The following GGACT variants were observed in gnomAD, a reference collection of about 807,000 sequenced individuals.
The protein encoded by GGACT is gamma-glutamylaminecyclotransferase.
For synonymous variants in GGACT, 118 were observed against 115.3 expected (o/e 1.02, Z -0.15); for missense variants, 241 against 233.2 (o/e 1.03, Z -0.22).
At chr13:100,573,544 G>A (rs1875158412) in intron 2 of GGACT, among the ~76,000 whole-genome samples, 1 of 151,980 alleles carries the variant, frequency 6.6e-6, no homozygotes, top group Non-Finnish European at 1.5e-5. Context: ...TGAGAGATGG[G>A]GTCTCAGTAT....
At position 100,530,796 on chromosome 13, in the gene GGACT, G is replaced by GTT. The variant is rs2088352371; in HGVS notation, c.*1332_*1333dup. ...GTTGGCCGGGGGTGCTGTCTCCACT[G>GTT]TTTTTGTTTGTTTTGAGGATGAGCG... is the stretch of plus-strand genomic sequence containing the variant. On this transcript the variant is annotated 3_prime_UTR_variant, in exon 3 of 3. Transcript: ENST00000683975. 6.0e-6 allele frequency: 1 copy of GTT among 167,414 alleles called. No homozygotes were observed. Among genetic ancestry groups the GTT allele is most frequent in the East Asian group, 1.7e-4 (1 of 5,806 alleles). The allele number at this position is 167,414 out of a possible 1,614,324, so 10.4% of individuals were successfully genotyped here.
rs2088595332 is a variant in GGACT, at chr13:100,545,349, C to T, written c.-10-12748G>A. On this transcript the variant is annotated intron_variant, in intron 2 of 2. Transcript: ENST00000683975. This position sits in a 1 kb window ranked among gnomAD's most constrained non-coding sequence, Gnocchi z 4.4. ...TGGGGCAGAGGTGAAGTGACTCACACACAAGGCGACCCAGGCAAGGGCAGC... is the reference window on the plus strand; with the variant it reads ...TGGGGCAGAGGTGAAGTGACTCACATACAAGGCGACCCAGGCAAGGGCAGC... Among the ~76,000 whole-genome samples the T allele has an allele frequency of 1.3e-5, 2 of 152,228 alleles. No individual in the cohort carries two copies.
At chr13:100,559,970 A>C (rs979970997) in intron 2 of GGACT, among the ~76,000 whole-genome samples, 1 of 152,232 alleles carries the variant, frequency 6.6e-6, no homozygotes. Flanking sequence ...ATAAATCTCA[A>C]ACACATGAGC....
At chr13:100,559,978 A>G (rs1408788189) in intron 2 of GGACT, among the ~76,000 whole-genome samples, 1 of 152,206 alleles carries the variant, frequency 6.6e-6, no homozygotes, top group Non-Finnish European at 1.5e-5. Flanking sequence ...CAAACACATG[A>G]GCTGAGTCAA....
chr13:100,580,409 G>A (rs563312110), intron 2 of GGACT, among the ~76,000 whole-genome samples: 2 of 152,364 alleles, frequency 1.3e-5, no homozygotes, highest in East Asian at 3.9e-4. Context: ...GCCGGGAGGT[G>A]TGCGACCACT....
intron 2 of GGACT, among the ~76,000 whole-genome samples, chr13:100,574,081 A>G (rs932752775): frequency 6.6e-6 from 1 of 152,186 alleles, no homozygotes; most frequent in Non-Finnish European, 1.5e-5. Flanking sequence ...AGACACATGC[A>G]CTCATATGTT....
In GGACT at chr13:100,574,972, G is replaced by A. The variant is rs113184873; in HGVS notation, c.-11+8853C>T. 8.2e-3 allele frequency among the ~76,000 whole-genome samples: 1,254 copies of A among 152,130 alleles called. 11 individuals carry two copies. The highest frequency in any genetic ancestry group is 0.013 in the Non-Finnish European group (889 of 68,016). ...GAGGTTTCAGCCACAGCAACCTCAA[G>A]AGCCCATCTGATGTCTGTCCTCAGT... is the stretch of plus-strand genomic sequence containing the variant. On this transcript the variant is annotated intron_variant, in intron 2 of 2. Transcript: ENST00000683975.
In GGACT at chr13:100,532,091, C is replaced by G; in HGVS notation, c.*39G>C. 1 of 1,392,596 alleles carries G rather than the reference C, an allele frequency of 7.2e-7. No homozygotes were observed. The highest frequency in any genetic ancestry group is 9.5e-7 in the Non-Finnish European group (1 of 1,058,022). 86.3% of individuals were successfully genotyped at this position (1,392,596 alleles called of 1,614,324 possible). A position where few individuals can be genotyped will look rare whatever the true frequency, so the allele number is the denominator to read the frequency against. On this transcript the variant is annotated 3_prime_UTR_variant, in exon 3 of 3. Coordinates refer to ENST00000683975, the MANE Select transcript of GGACT (RefSeq NM_001195087.2). ...CATGGGCTGGGCGCATCTTGGAGCC[C>G]CAGGGCTCTCAAACCTAGGCCCACC...
At chr13:100,540,302 G>T (rs1408970667) in intron 2 of GGACT, 20 of 879,316 alleles carry the variant, frequency 2.3e-5, no homozygotes, top group Non-Finnish European at 3.0e-5. Flanking sequence ...GGAGATTTTT[G>T]ACTGCTGCTT....
chr13:100,552,733 A>G (rs780434928), intron 2 of GGACT, among the ~76,000 whole-genome samples: 9 of 152,194 alleles, frequency 5.9e-5, no homozygotes, highest in Non-Finnish European at 1.2e-4. Context: ...TCATTCACTC[A>G]TTCAGGAGGT....
intron 2 of GGACT, among the ~76,000 whole-genome samples, chr13:100,567,565 T>A (rs79091208): frequency 0.016 from 2,382 of 152,362 alleles, 69 homozygotes; most frequent in African/African-American, 0.054. Flanking sequence ...GATGCCAAGA[T>A]CTGGGTGCAG....
At chr13:100,540,197 C>G in intron 2 of GGACT, 1 of 1,508,750 alleles carries the variant, frequency 6.6e-7, no homozygotes, top group Middle Eastern at 1.7e-4. Flanking sequence ...ATAGGCTGCA[C>G]GTGGCCGCGG....
intron 2 of GGACT, among the ~76,000 whole-genome samples, chr13:100,542,722 A>G (rs1425472777): frequency 6.6e-6 from 1 of 152,216 alleles, no homozygotes; most frequent in Non-Finnish European, 1.5e-5. Flanking sequence ...CAATAGCGGC[A>G]TCCAGGGGAC....
chr13:100,550,788 C>G lies in GGACT; in HGVS notation c.-10-18187G>C, dbSNP rs1257970794. Reference sequence around the variant, plus strand: ...TCCAATCCACTCGCTTCAGAAACAGCAGAACAGCCGCTTTGTTTTTCATTA... The same window carrying G: ...TCCAATCCACTCGCTTCAGAAACAGGAGAACAGCCGCTTTGTTTTTCATTA... On this transcript the variant is annotated intron_variant, in intron 2 of 2. Coordinates refer to ENST00000683975, the MANE Select transcript of GGACT (RefSeq NM_001195087.2). Among the ~76,000 whole-genome samples the G allele has an allele frequency of 2.0e-5, 3 of 152,316 alleles. No homozygotes were observed. The East Asian group carries it at 5.8e-4, about 29-fold the overall frequency.
intron 2 of GGACT, among the ~76,000 whole-genome samples, chr13:100,552,927 C>T (rs905817337): frequency 6.6e-6 from 1 of 152,014 alleles, no homozygotes; most frequent in Non-Finnish European, 1.5e-5. Flanking sequence ...GAGAGGGCGA[C>T]CCAGGCAAGC....
intron 2 of GGACT, among the ~76,000 whole-genome samples, chr13:100,582,797 G>A (rs1271008205): frequency 6.6e-6 from 1 of 152,182 alleles, no homozygotes; most frequent in African/African-American, 2.4e-5. Context: ...GGCAGTGTCA[G>A]GACGAGAAGC....
At chr13:100,575,839 C>T (rs1427341837) in intron 2 of GGACT, among the ~76,000 whole-genome samples, 1 of 152,178 alleles carries the variant, frequency 6.6e-6, no homozygotes, top group Non-Finnish European at 1.5e-5. Flanking sequence ...TGCTGACATC[C>T]AGTTTGTTCT....
intron 2 of GGACT, among the ~76,000 whole-genome samples, chr13:100,561,339 T>C (rs1257882292): frequency 6.6e-6 from 1 of 152,242 alleles, no homozygotes; most frequent in Non-Finnish European, 1.5e-5. Context: ...ATGTGAATTA[T>C]TTCTCAATAA....
At chr13:100,539,938 G>C in intron 2 of GGACT, 2 of 1,538,376 alleles carry the variant, frequency 1.3e-6, no homozygotes, top group Non-Finnish European at 8.9e-7. Flanking sequence ...GGCAGCACCC[G>C]CAGGTCTAAA....
Sources: allele counts gnomAD v4.1 joint callset (sites outside exome capture counted in the v4.1 genomes callset), GRCh38; gene constraint gnomAD v4.1.1; non-coding constraint Gnocchi (gnomAD v3.1); transcripts MANE v1.5; gene names NCBI Gene and HGNC (gene_info 2026-07-23, HGNC 2026-07-21).